The following DLC1 variants were observed in gnomAD, a reference collection of about 807,000 sequenced individuals.
The protein encoded by DLC1 is rho GTPase-activating protein 7.
In DLC1, 54 loss-of-function variants were observed where a neutral mutation model predicts 140.3. The observed-to-expected ratio is 0.38, with a 90% CI of 0.31 to 0.48. The LOEUF (loss-of-function observed/expected upper bound fraction) is 0.48, where lower values mean the gene tolerates loss of function less well. Among genes scored for constraint, DLC1 ranks in the 20% least tolerant of loss-of-function variants. DLC1 has a pLI of 0.96. For synonymous variants in DLC1, 986 were observed against 728.1 expected (o/e 1.35, Z -5.70); for missense variants, 2,536 against 1,907.0 (o/e 1.33, Z -6.14).
At chr8:13,144,634 G>C (rs1489899321) in intron 5 of DLC1, among the ~76,000 whole-genome samples, 3 of 152,070 alleles carry the variant, frequency 2.0e-5, no homozygotes, top group African/African-American at 7.2e-5. Flanking sequence ...GCGTGGTGGT[G>C]GGTGCCTGTA....
At chr8:13,088,955 C>T (rs1405899354) in intron 15 of DLC1, among the ~76,000 whole-genome samples, 3 of 152,126 alleles carry the variant, frequency 2.0e-5, no homozygotes, top group African/African-American at 2.4e-5. Flanking sequence ...GTTGTCAACT[C>T]GAGTCAAAAT....
At chr8:13,486,305 T>C (rs533928241) in intron 2 of DLC1, among the ~76,000 whole-genome samples, 1 of 152,344 alleles carries the variant, frequency 6.6e-6, no homozygotes, top group Admixed American at 6.5e-5. Context: ...TATGTTTTTG[T>C]CAGCATATAC....
chr8:13,304,090 T>A (rs962095798), intron 5 of DLC1, among the ~76,000 whole-genome samples: 4 of 152,172 alleles, frequency 2.6e-5, no homozygotes, highest in Non-Finnish European at 5.9e-5. Flanking sequence ...CAGTGAATTA[T>A]GGGGACAGCT....
intron 16 of DLC1, among the ~76,000 whole-genome samples, chr8:13,087,324 C>T (rs866281366): frequency 1.2e-4 from 18 of 152,308 alleles, no homozygotes; most frequent in Middle Eastern, 6.8e-3. Context: ...ATTGCTTGAG[C>T]CTGGGAGGTG....
chr8:13,102,978 T>C, intron 7 of DLC1, 125 bp from the exon 8 acceptor site: 1 of 743,656 alleles, frequency 1.3e-6, no homozygotes, highest in South Asian at 1.7e-5. Flanking sequence ...ACCTAATACC[T>C]AGAGGAGTAT....
chr8:13,295,880 C>G (rs761009023), intron 5 of DLC1, among the ~76,000 whole-genome samples: 2 of 146,132 alleles, frequency 1.4e-5, no homozygotes, highest in African/African-American at 5.1e-5. Context: ...AAACTGTGCA[C>G]TGGAAACTCA....
At chr8:13,497,467 C>G (rs868043218) in intron 2 of DLC1, among the ~76,000 whole-genome samples, 1 of 152,134 alleles carries the variant, frequency 6.6e-6, no homozygotes, top group Admixed American at 6.5e-5. Context: ...TGACAGAATG[C>G]TTAAAATAGA....
chr8:13,232,862 T>A (rs1045409086), intron 5 of DLC1, among the ~76,000 whole-genome samples: 1 of 152,242 alleles, frequency 6.6e-6, no homozygotes, highest in Non-Finnish European at 1.5e-5. Context: ...TTGTTTCTTT[T>A]GATAGATTCA....
intron 2 of DLC1, among the ~76,000 whole-genome samples, chr8:13,440,123 T>G (rs535598244): frequency 2.0e-5 from 3 of 152,322 alleles, no homozygotes; most frequent in Admixed American, 2.0e-4. Flanking sequence ...ACATTCATAC[T>G]TTCTTTATTA....
rs34321250 is a variant in DLC1 at position 13,141,256 on chromosome 8, C to CAAAAAAAAAAAAA, written c.1349-25612_1349-25600dup. ...GGTGACACAGTGCAAGAGTCTGTCT[C>CAAAAAAAAAAAAA]AAAAAAAAAAAAAAAAAAAAAAAAA... On this transcript the variant is annotated intron_variant, in intron 5 of 17. Coordinates refer to ENST00000276297, the MANE Select transcript of DLC1 (RefSeq NM_182643.3). Among the ~76,000 whole-genome samples, 367 of 63,720 alleles carry CAAAAAAAAAAAAA rather than the reference C, an allele frequency of 5.8e-3. 35 individuals carry two copies. The highest frequency in any genetic ancestry group is 6.5e-3 in the South Asian group (11 of 1,702). The allele number at this position is 63,720 out of a possible 152,430, so 41.8% of individuals were successfully genotyped here.
intron 4 of DLC1, among the ~76,000 whole-genome samples, chr8:13,379,782 G>A (rs1176346095): frequency 6.6e-6 from 1 of 152,092 alleles, no homozygotes; most frequent in Non-Finnish European, 1.5e-5. Flanking sequence ...TTAGGTATTT[G>A]TCCTAACACT....
chr8:13,188,639 C>G (rs1826530287), intron 5 of DLC1, among the ~76,000 whole-genome samples: 1 of 122,002 alleles, frequency 8.2e-6, no homozygotes, highest in Non-Finnish European at 1.7e-5. Flanking sequence ...GAGTCTTGCT[C>G]TGTAGCCCAG....
chr8:13,135,656 CT>C lies in DLC1; in HGVS notation c.1349-20000del, dbSNP rs149048747. ...TAAAAATATATTCTAAATATCTCCC[CT>C]CCAAATACACCAATTCTCAGAATAA... On this transcript the variant is annotated intron_variant, in intron 5 of 17. Transcript: ENST00000276297. Among the ~76,000 whole-genome samples the C allele has an allele frequency of 2.0e-5, 3 of 152,262 alleles. No individual in the cohort carries two copies. The East Asian group carries it at 5.8e-4, about 29-fold the overall frequency.
chr8:13,121,150 A>G (rs771244858), intron 5 of DLC1, among the ~76,000 whole-genome samples: 3 of 152,220 alleles, frequency 2.0e-5, no homozygotes, highest in Non-Finnish European at 4.4e-5. Context: ...CACTTTGCAG[A>G]TTCCCTGGAT....
At chr8:13,270,770 C>T (rs1210968499) in intron 5 of DLC1, among the ~76,000 whole-genome samples, 1 of 151,988 alleles carries the variant, frequency 6.6e-6, no homozygotes, top group Non-Finnish European at 1.5e-5. Context: ...CCACTTTTGC[C>T]CAAAAGCCCA....
chr8:13,209,110 G>C (rs972863720), intron 5 of DLC1, among the ~76,000 whole-genome samples: 2 of 152,078 alleles, frequency 1.3e-5, no homozygotes, highest in Non-Finnish European at 2.9e-5. Context: ...ATACTTCCTT[G>C]ATAAAAAGAT....
At chr8:13,236,797 C>A (rs543976226) in intron 5 of DLC1, among the ~76,000 whole-genome samples, 14 of 152,026 alleles carry the variant, frequency 9.2e-5, no homozygotes, top group African/African-American at 2.7e-4. Context: ...GAGTTCATAT[C>A]CATCTAAAAG....
At chr8:13,122,610 A>G (rs938119215) in intron 5 of DLC1, among the ~76,000 whole-genome samples, 1 of 152,172 alleles carries the variant, frequency 6.6e-6, no homozygotes, top group Non-Finnish European at 1.5e-5. Flanking sequence ...CGCAGTTGCC[A>G]AAGACTGGTT....
chr8:13,368,349 C>G (rs1456993906), intron 4 of DLC1, among the ~76,000 whole-genome samples: 1 of 152,054 alleles, frequency 6.6e-6, no homozygotes, highest in African/African-American at 2.4e-5. Context: ...TTTCTGGAAA[C>G]TTGGCATCCT....
Sources: gnomAD v4.1 joint callset for allele counts (sites outside exome capture counted in the v4.1 genomes callset) on GRCh38, gnomAD v4.1.1 for gene constraint, MANE v1.5 for transcripts, NCBI Gene and HGNC (gene_info 2026-07-23, HGNC 2026-07-21) for gene names.